Variants in RHEBL1 observed in about 807,000 individuals in gnomAD.
RHEBL1 encodes RHEB like 1, also known as GTPase RhebL1.
In RHEBL1, 22 loss-of-function variants were observed where a neutral mutation model predicts 27.4. That is an observed-to-expected ratio of 0.80 (90% CI 0.57 to 1.15). The LOEUF is 1.15. Ranked by LOEUF, RHEBL1 falls within the 50% of genes most tolerant of loss-of-function variation. The pLI, the probability that RHEBL1 is intolerant of heterozygous loss-of-function variation, is 0.00. For missense variants in RHEBL1, 186 were observed against 226.5 expected (o/e 0.82, Z 1.15); for synonymous variants, 85 against 80.8 (o/e 1.05, Z -0.28).
chr12:49,068,189 G>A (rs142021254), intron 2 of RHEBL1, among the ~76,000 whole-genome samples: 3,645 of 151,366 alleles, frequency 0.024, 73 homozygotes, highest in Non-Finnish European at 0.034. Flanking sequence ...GAGCGCAGTG[G>A]CACGATCTCG....
intron 2 of RHEBL1, among the ~76,000 whole-genome samples, chr12:49,067,737 G>A (rs1029710305): frequency 2.6e-5 from 4 of 152,036 alleles, no homozygotes; most frequent in Non-Finnish European, 5.9e-5. Flanking sequence ...CTGAGATTGC[G>A]GCACTGCACT....
rs1428925427 is a variant in RHEBL1, at chr12:49,065,129, G to A, written c.526C>T (p.Gln176Ter). 1 of 1,613,916 alleles carries A rather than the reference G, an allele frequency of 6.2e-7. No individual in the cohort carries two copies. Among genetic ancestry groups the A allele is most frequent in the Admixed American group, 1.7e-5 (1 of 60,018 alleles). Residue 176 changes from glutamine (Q) to a stop codon, truncating the protein, a stop_gained, in exon 8 of 8, where the codon CAA (glutamine) becomes TAA (stop). Coordinates refer to ENST00000301068, the MANE Select transcript of RHEBL1 (RefSeq NM_144593.3). LOFTEE classifies it high-confidence loss of function. ...EIARVENSYG[Q>*]ERRCHLM ...CACATGAGATGGCAGCGACGCTCTT[G>A]CCCATAGGAATTCTCCACACGGGCA...
In RHEBL1 at chr12:49,066,648, C is replaced by T; in HGVS notation, c.246G>A (p.Val82=). 6.2e-7 allele frequency: 1 copy of T among 1,614,184 alleles called. No individual in the cohort carries two copies. Among genetic ancestry groups the T allele is most frequent in the Non-Finnish European group, 8.5e-7 (1 of 1,180,026 alleles). The part of the protein sequence containing the change: ...YSFIIGVHGY[V]LVYSVTSLHS... ...GCAGAGAGGTGACAGAATACACAAG[C>T]ACATAACCATGGACCCCAATGATGA... Residue 82 remains valine, a synonymous_variant, in exon 4 of 8, where the codon GTG becomes GTA. Coordinates refer to ENST00000301068, the MANE Select transcript of RHEBL1 (RefSeq NM_144593.3).
At position 49,067,045 on chromosome 12, in the gene RHEBL1, AAAG is replaced by A. The variant is rs1262372374; in HGVS notation, c.125-13_125-11del. 1 of 1,611,330 alleles carries A rather than the reference AAAG, an allele frequency of 6.2e-7. No homozygotes were observed. The highest frequency in any genetic ancestry group is 1.7e-5 in the Admixed American group (1 of 59,972). ...ACTATCTTGCTGTAAGCTGAAAAGA[AAAG>A]AAAACTTGACTGTGAAGTGCCTTAT... On this transcript the variant is annotated splice_polypyrimidine_tract_variant and intron_variant, in intron 2 of 7. Transcript: ENST00000301068.
Position 49,065,029 on chromosome 12 carries a change from T to C in RHEBL1, c.*74A>G. ...GCTGGCAACCATACCCGTGAAGTCC[T>C]GAGGATCTGCCCCCCACTGGAACAT... On this transcript the variant is annotated 3_prime_UTR_variant, in exon 8 of 8. Transcript: ENST00000301068. 1 of 1,105,722 alleles carries C rather than the reference T, an allele frequency of 9.0e-7. No individual in the cohort carries two copies. Among genetic ancestry groups the C allele is most frequent in the Non-Finnish European group, 1.4e-6 (1 of 718,722 alleles). 68.5% of individuals were successfully genotyped at this position (1,105,722 alleles called of 1,614,324 possible).
chr12:49,068,637 T>C (rs545873177), intron 2 of RHEBL1, among the ~76,000 whole-genome samples: 5 of 151,966 alleles, frequency 3.3e-5, no homozygotes, highest in Non-Finnish European at 7.4e-5. Flanking sequence ...GGTTTCACCA[T>C]GTTGGCCAGG....
At chr12:49,067,287 G>A (rs950242097) in intron 2 of RHEBL1, among the ~76,000 whole-genome samples, 10 of 144,252 alleles carry the variant, frequency 6.9e-5, no homozygotes, top group Non-Finnish European at 7.6e-5. Flanking sequence ...TTTTTTTTTT[G>A]AGATGAGGTC....
rs773179488 is a variant in RHEBL1 at position 49,069,821 on chromosome 12, G to A, written c.-36C>T. ...CGCCCCAGGGGCTTGCGGAACTGCG[G>A]GCTCAGAGAGCCCGAAAACGAGGTC... is the stretch of plus-strand genomic sequence containing the variant. On this transcript the variant is annotated 5_prime_UTR_variant, in exon 1 of 8. Transcript: ENST00000301068. 7 of 1,601,940 alleles carry A rather than the reference G, an allele frequency of 4.4e-6. No homozygotes were observed. In the Admixed American group the frequency reaches 1.2e-4, roughly 27 times the overall value.
At position 49,064,890 on chromosome 12, in the gene RHEBL1, T is replaced by C. The variant is rs1938969954; in HGVS notation, c.*213A>G. On this transcript the variant is annotated 3_prime_UTR_variant, in exon 8 of 8. Coordinates refer to ENST00000301068, the MANE Select transcript of RHEBL1 (RefSeq NM_144593.3). ...ACAAAAACAGAGGGCTAGAGGCCAG[T>C]GTCCATGAGAGGTCCTTGCCCCTTT... 3.5e-6 allele frequency: 2 copies of C among 573,622 alleles called. No individual in the cohort carries two copies. The highest frequency in any genetic ancestry group is 3.0e-5 in the Admixed American group (1 of 33,244). The allele number at this position is 573,622 out of a possible 1,614,324, so 35.5% of individuals were successfully genotyped here. A position where few individuals can be genotyped will look rare whatever the true frequency, so the allele number is the denominator to read the frequency against.
rs1453703927 is a variant in RHEBL1, at chr12:49,069,931, A to G, written c.-146T>C. 1.8e-5 allele frequency: 12 copies of G among 675,874 alleles called. No individual in the cohort carries two copies. Among genetic ancestry groups the G allele is most frequent in the Non-Finnish European group, 3.1e-5 (12 of 382,866 alleles). 41.9% of individuals were successfully genotyped at this position (675,874 alleles called of 1,614,324 possible). On this transcript the variant is annotated 5_prime_UTR_variant, in exon 1 of 8. Transcript: ENST00000301068. ...GGCAAGTTAGAAGGAAACCAAAACA[A>G]GCGCCGCGCCCGGAGCTGCCCACGT...
At chr12:49,069,230 C>A in intron 1 of RHEBL1, 124 bp from the exon 2 acceptor site, 2 of 1,530,838 alleles carry the variant, frequency 1.3e-6, no homozygotes, top group South Asian at 1.2e-5. Flanking sequence ...GTGAGTGCCT[C>A]AAGCAATGCT....
Position 49,066,624 on chromosome 12 carries a change from C to A in RHEBL1, c.270G>T (p.Leu90=). The A allele has an allele frequency of 6.2e-7, 1 of 1,613,798 alleles. No homozygotes were observed. Among genetic ancestry groups the A allele is most frequent in the South Asian group, 1.1e-5 (1 of 91,082 alleles). Residue 90 remains leucine (L), a synonymous_variant, in exon 4 of 8, where the codon CTG becomes CTT. Coordinates refer to ENST00000301068, the MANE Select transcript of RHEBL1 (RefSeq NM_144593.3). Reference sequence around the variant, plus strand: ...TCACAACCTTGGTCACTTACCTATGCAGAGAGGTGACAGAATACACAAGCA... The same window carrying A: ...TCACAACCTTGGTCACTTACCTATGAAGAGAGGTGACAGAATACACAAGCA... ...GYVLVYSVTS[L]HSFQVIESLY...
Position 49,064,836 on chromosome 12 carries a change from AC to A in RHEBL1, c.*266del. 2.1e-6 allele frequency: 1 copy of A among 467,894 alleles called. No homozygotes were observed. The highest frequency in any genetic ancestry group is 3.9e-6 in the Non-Finnish European group (1 of 256,174). The allele number at this position is 467,894 out of a possible 1,614,324, so 29.0% of individuals were successfully genotyped here. On this transcript the variant is annotated 3_prime_UTR_variant, in exon 8 of 8. Coordinates refer to ENST00000301068, the MANE Select transcript of RHEBL1 (RefSeq NM_144593.3). ...AATAATGCCCAGGACTCATATCCTG[AC>A]CCCATAGGTTATAACAGAATTCATC...
intron 6 of RHEBL1, 87 bp downstream of exon 6, chr12:49,066,144 G>T: frequency 9.9e-7 from 1 of 1,005,472 alleles, no homozygotes; most frequent in Non-Finnish European, 1.6e-6. Flanking sequence ...TGACTTGTTT[G>T]AGTCAGTGGA....
chr12:49,065,032 G>A lies in RHEBL1; in HGVS notation c.*71C>T. 1 of 1,129,480 alleles carries A rather than the reference G, an allele frequency of 8.9e-7. No homozygotes were observed. The allele number at this position is 1,129,480 out of a possible 1,614,324, so 70.0% of individuals were successfully genotyped here. A position where few individuals can be genotyped will look rare whatever the true frequency, so the allele number is the denominator to read the frequency against. ...GGCAACCATACCCGTGAAGTCCTGA[G>A]GATCTGCCCCCCACTGGAACATGGC... is the stretch of plus-strand genomic sequence containing the variant. On this transcript the variant is annotated 3_prime_UTR_variant, in exon 8 of 8. Coordinates refer to ENST00000301068, the MANE Select transcript of RHEBL1 (RefSeq NM_144593.3).
intron 4 of RHEBL1, 23 bp downstream of exon 4, chr12:49,066,596 C>T: frequency 6.2e-7 from 1 of 1,613,410 alleles, no homozygotes. Flanking sequence ...CCAAGTCCCG[C>T]ACTCACAACC....
In RHEBL1 at chr12:49,069,047, T is replaced by C. The variant is rs1433414324; in HGVS notation, c.112A>G (p.Thr38Ala). 6.2e-6 allele frequency: 10 copies of C among 1,613,996 alleles called. No homozygotes were observed. In the East Asian group the frequency reaches 1.8e-4, roughly 29 times the overall value. The change falls in exon 2 of 8, where the codon ACA becomes GCA. Residue 38 changes from threonine to alanine, a missense_variant. Coordinates refer to ENST00000301068, the MANE Select transcript of RHEBL1 (RefSeq NM_144593.3). ...EGEFSEGYDP[T>A]VENTYSKIVT... ...GAAGTCTACTCACTATTCTCCACTG[T>C]AGGATCGTAGCCTTCCGAGAACTCG... is the stretch of plus-strand genomic sequence containing the variant.
At position 49,067,018 on chromosome 12, in the gene RHEBL1, T is replaced by C. The variant is rs771576247; in HGVS notation, c.142A>G (p.Thr48Ala). The C allele has an allele frequency of 2.5e-6, 4 of 1,613,588 alleles. No individual in the cohort carries two copies. Among genetic ancestry groups the C allele is most frequent in the Non-Finnish European group, 3.4e-6 (4 of 1,179,826 alleles). Residue 48 changes from threonine (T) to alanine (A), a missense_variant, in exon 3 of 8, where the codon ACT becomes GCT. By Grantham distance (58) the Thr-to-Ala change is moderately conservative. This residue lies in a region of RHEBL1 where 62 missense variants were observed against 62.1 expected (regional missense o/e 1.00). Transcript: ENST00000301068. ...AGGTGAAACTCATCTTTGCCAAGAG[T>C]CACTATCTTGCTGTAAGCTGAAAAG... ...TVENTYSKIV[T>A]LGKDEFHLHL...
chr12:49,065,261 C>A, intron 7 of RHEBL1, 69 bp from the exon 8 acceptor site: 1 of 1,550,484 alleles, frequency 6.4e-7, no homozygotes, highest in Non-Finnish European at 8.9e-7. Flanking sequence ...GGGGTGAAAG[C>A]CCCATTCCCG....
Sources: gnomAD v4.1 joint callset for allele counts (sites outside exome capture counted in the v4.1 genomes callset) on GRCh38, gnomAD v4.1.1 for gene constraint, gnomAD v4.1.1 regional missense constraint, MANE v1.5 for transcripts, NCBI Gene and HGNC (gene_info 2026-07-23, HGNC 2026-07-21) for gene names.